The following ANO10 variants were observed in gnomAD, a reference collection of about 807,000 sequenced individuals.
ANO10 encodes the protein anoctamin-10.
In ANO10, 77 loss-of-function variants were observed where a neutral mutation model predicts 74.7. The ratio of observed to expected loss-of-function variants is 1.03; its 90% CI spans 0.86 to 1.25. The LOEUF is 1.25. Ranked by LOEUF, ANO10 falls within the 50% of genes most tolerant of loss-of-function variation. ANO10 has a pLI of 0.00. For synonymous variants in ANO10, 279 were observed against 284.9 expected (o/e 0.98, Z 0.21); for missense variants, 721 against 778.1 (o/e 0.93, Z 0.87).
At chr3:43,401,245 A>AC (rs1285060197) in intron 12 of ANO10, among the ~76,000 whole-genome samples, 5 of 152,214 alleles carry the variant, frequency 3.3e-5, no homozygotes, top group Non-Finnish European at 7.3e-5. Context: ...TGTACCAGAA[A>AC]CCAGCAGCAA....
chr3:43,537,975 G>C (rs2078790304), intron 11 of ANO10, among the ~76,000 whole-genome samples: 1 of 152,030 alleles, frequency 6.6e-6, no homozygotes, highest in Non-Finnish European at 1.5e-5. Context: ...GACTAAAAAG[G>C]GTGGGGGGAC....
intron 1 of ANO10, among the ~76,000 whole-genome samples, chr3:43,664,692 A>T: frequency 6.6e-6 from 1 of 152,174 alleles, no homozygotes; most frequent in East Asian, 1.9e-4. Flanking sequence ...AAAAAAGCAA[A>T]CAAGCCCATC....
intron 1 of ANO10, among the ~76,000 whole-genome samples, chr3:43,634,290 G>A (rs2083582695): frequency 6.6e-6 from 1 of 151,990 alleles, no homozygotes; most frequent in Non-Finnish European, 1.5e-5. Context: ...CTTTTTACAT[G>A]TCTTTTAATA....
intron 11 of ANO10, among the ~76,000 whole-genome samples, chr3:43,446,210 A>G (rs1020548534): frequency 3.9e-5 from 6 of 152,228 alleles, no homozygotes; most frequent in African/African-American, 1.4e-4. Flanking sequence ...AATGCTTCCC[A>G]TCTTCTACTT....
intron 1 of ANO10, among the ~76,000 whole-genome samples, chr3:43,660,497 G>A (rs757246021): frequency 6.6e-4 from 100 of 152,028 alleles, no homozygotes; most frequent in Non-Finnish European, 9.1e-4. Flanking sequence ...AAGGATATCA[G>A]TGATTGAAGA....
At chr3:43,626,159 C>T (rs938509618), upstream of ANO10, among the ~76,000 whole-genome samples, 6 of 152,056 alleles carry the variant, frequency 3.9e-5, no homozygotes, top group Middle Eastern at 3.2e-3. Flanking sequence ...GTCTCGAACT[C>T]TTGACCTCAA....
intron 12 of ANO10, among the ~76,000 whole-genome samples, chr3:43,405,501 C>T (rs1032003229): frequency 6.6e-5 from 10 of 152,154 alleles, no homozygotes; most frequent in Admixed American, 4.6e-4. Context: ...TTTCTTCTTT[C>T]TTGAGACAGG....
chr3:43,477,438 G>A (rs960987667), intron 11 of ANO10, among the ~76,000 whole-genome samples: 12 of 152,080 alleles, frequency 7.9e-5, no homozygotes, highest in East Asian at 1.9e-4. Context: ...GAAGCAAGAC[G>A]TACTCCATCT....
upstream of ANO10, among the ~76,000 whole-genome samples, chr3:43,624,950 A>G (rs1209364440): frequency 6.6e-6 from 1 of 152,246 alleles, no homozygotes; most frequent in African/African-American, 2.4e-5. Context: ...AAGGAGAACT[A>G]CTGTATCAAT....
intron 1 of ANO10, among the ~76,000 whole-genome samples, chr3:43,677,296 C>T (rs2084135653): frequency 1.3e-5 from 2 of 152,174 alleles, no homozygotes; most frequent in African/African-American, 2.4e-5. Flanking sequence ...CGCCTGTAAT[C>T]CCAGCACTTT....
At chr3:43,464,640 C>A (rs899621117) in intron 11 of ANO10, among the ~76,000 whole-genome samples, 1 of 152,086 alleles carries the variant, frequency 6.6e-6, no homozygotes, top group Non-Finnish European at 1.5e-5. Context: ...AACTGCCCCA[C>A]TGCACTTCAG....
intron 12 of ANO10, among the ~76,000 whole-genome samples, chr3:43,420,003 T>C (rs758707200): frequency 6.6e-6 from 1 of 152,226 alleles, no homozygotes; most frequent in Non-Finnish European, 1.5e-5. Context: ...AAGAAACAAA[T>C]GAGCAAACAT....
At chr3:43,683,385 C>T (rs937337757) in intron 1 of ANO10, among the ~76,000 whole-genome samples, 1 of 152,126 alleles carries the variant, frequency 6.6e-6, no homozygotes, top group South Asian at 2.1e-4. Context: ...ACATGAAGGA[C>T]CTCTTCAAGG....
chr3:43,504,706 G>C (rs1336331202), intron 11 of ANO10, among the ~76,000 whole-genome samples: 1 of 152,010 alleles, frequency 6.6e-6, no homozygotes, highest in African/African-American at 2.4e-5. Flanking sequence ...ACAGTGGCAT[G>C]ATCTCGGCTC....
chr3:43,600,161 T>C (rs988998471), intron 3 of ANO10, among the ~76,000 whole-genome samples: 1 of 152,242 alleles, frequency 6.6e-6, no homozygotes, highest in African/African-American at 2.4e-5. Context: ...TACAGTTTTA[T>C]TGAACACAGC....
At chr3:43,469,339 C>T (rs1032198527) in intron 11 of ANO10, among the ~76,000 whole-genome samples, 5 of 152,158 alleles carry the variant, frequency 3.3e-5, no homozygotes, top group African/African-American at 9.7e-5. Flanking sequence ...AGCCACCATG[C>T]CCGGCCTAAT....
At chr3:43,613,576 C>T (rs984878468) in intron 1 of ANO10, among the ~76,000 whole-genome samples, 1 of 152,074 alleles carries the variant, frequency 6.6e-6, no homozygotes, top group Admixed American at 6.6e-5. Context: ...GATTTTGTGT[C>T]AGAGTAATAC....
chr3:43,484,098 G>A (rs777322487), intron 11 of ANO10, among the ~76,000 whole-genome samples: 1 of 151,970 alleles, frequency 6.6e-6, no homozygotes, highest in South Asian at 2.1e-4. Flanking sequence ...ACTATGCCTG[G>A]GTTTTTTGTT....
chr3:43,690,871 G>A, intron 1 of ANO10: 2 of 1,125,670 alleles, frequency 1.8e-6, no homozygotes, highest in Non-Finnish European at 2.4e-6. Context: ...GGCCGTGCTA[G>A]TGCGCGGAAG....
Sources: gnomAD v4.1 joint callset for allele counts (sites outside exome capture counted in the v4.1 genomes callset) on GRCh38, gnomAD v4.1.1 for gene constraint, MANE v1.5 for transcripts, NCBI Gene and HGNC (gene_info 2026-07-23, HGNC 2026-07-21) for gene names.